The following KLHL7 variants were observed in gnomAD, a reference collection of about 807,000 sequenced individuals.
KLHL7 encodes the protein kelch-like protein 7.
A neutral mutation model predicts 67.4 loss-of-function variants in KLHL7; 44 were observed. The observed-to-expected ratio is 0.65, with a 90% confidence interval of 0.51 to 0.84. The LOEUF (loss-of-function observed/expected upper bound fraction) is 0.84, where lower values mean the gene tolerates loss of function less well. Ranked by LOEUF, KLHL7 falls within the 40% of genes least tolerant of loss-of-function variation. The pLI is 0.00. For synonymous variants in KLHL7, 252 were observed against 243.3 expected, an observed-to-expected ratio of 1.04 and a Z score of -0.33; for missense variants, 362 against 718.1, an observed-to-expected ratio of 0.50 and a Z score of 5.67.
At chr7:23,159,528 G>T (rs1162878562) in intron 7 of KLHL7, among the ~76,000 whole-genome samples, 4 of 151,600 alleles carry the variant, frequency 2.6e-5, no homozygotes, top group Admixed American at 2.6e-4. Flanking sequence ...AGTCAGTTAG[G>T]ATTTTCTCCT....
At chr7:23,131,106 A>G (rs1325833107) in intron 4 of KLHL7, among the ~76,000 whole-genome samples, 4 of 152,150 alleles carry the variant, frequency 2.6e-5, no homozygotes, top group African/African-American at 9.7e-5. Context: ...AATCCGAATC[A>G]TTTTAGATTT....
intron 1 of KLHL7, among the ~76,000 whole-genome samples, chr7:23,111,166 CAGGAAGTTTTCTCTA>C (rs1782854064): frequency 6.6e-6 from 1 of 152,078 alleles, no homozygotes; most frequent in African/African-American, 2.4e-5. Flanking sequence ...ATTTGACCAT[CAGGAAGTTTTCTCTA>C]AGGAAATGGT....
At chr7:23,142,933 T>C (rs548458244) in intron 5 of KLHL7, among the ~76,000 whole-genome samples, 1 of 152,208 alleles carries the variant, frequency 6.6e-6, no homozygotes, top group Non-Finnish European at 1.5e-5. Flanking sequence ...TCAATATTGG[T>C]TCATTAGTTA....
At chr7:23,158,654 A>C (rs1784774842) in intron 7 of KLHL7, among the ~76,000 whole-genome samples, 2 of 152,250 alleles carry the variant, frequency 1.3e-5, no homozygotes, top group Admixed American at 1.3e-4. Context: ...TGGTTCATAT[A>C]GGATTTTAAA....
At chr7:23,156,328 C>A (rs1419814070) in intron 7 of KLHL7, among the ~76,000 whole-genome samples, 1 of 152,144 alleles carries the variant, frequency 6.6e-6, no homozygotes, top group Admixed American at 6.5e-5. Flanking sequence ...TTCTTGTTAT[C>A]ATCCTTTTAT....
intron 1 of KLHL7, among the ~76,000 whole-genome samples, chr7:23,110,717 A>T (rs1782833362): frequency 6.7e-6 from 1 of 149,760 alleles, no homozygotes; most frequent in Non-Finnish European, 1.5e-5. Flanking sequence ...TGCACCCATT[A>T]ACTCGTCATT....
intron 4 of KLHL7, among the ~76,000 whole-genome samples, chr7:23,134,066 A>G (rs1445910146): frequency 6.6e-6 from 1 of 152,102 alleles, no homozygotes; most frequent in Non-Finnish European, 1.5e-5. Context: ...TCCCCATTGA[A>G]TATGATACTA....
Position 23,144,531 on chromosome 7 carries a change from G to A in KLHL7, c.793+506G>A, listed in dbSNP as rs144462275. Among the ~76,000 whole-genome samples the A allele has an allele frequency of 7.5e-3, 1,143 of 152,208 alleles. 18 individuals are homozygous for A. The highest frequency in any genetic ancestry group is 0.026 in the African/African-American group (1,064 of 41,526). ...TGTTGCTTTTCTTTCTTGGAAATAT[G>A]CCTTGTAGAACCTTTCTTCTGCCTA... is the stretch of plus-strand genomic sequence containing the variant. On this transcript the variant is annotated intron_variant, in intron 6 of 10. Transcript: ENST00000339077.
At chr7:23,161,813 A>G (rs966032354) in intron 7 of KLHL7, among the ~76,000 whole-genome samples, 3 of 152,204 alleles carry the variant, frequency 2.0e-5, no homozygotes. Flanking sequence ...CTAATGGATG[A>G]TATATACTTT....
At chr7:23,155,933 G>A (rs977220218) in intron 7 of KLHL7, 20 of 284,878 alleles carry the variant, frequency 7.0e-5, no homozygotes, top group Non-Finnish European at 1.4e-4. Flanking sequence ...ATGACTCTTA[G>A]CACTTTATTT....
chr7:23,163,571 A>G (rs556757816), intron 7 of KLHL7, among the ~76,000 whole-genome samples: 2 of 152,322 alleles, frequency 1.3e-5, no homozygotes. Context: ...TCAAGCCTGG[A>G]CTTCAAGTGG....
intron 1 of KLHL7, chr7:23,118,102 C>T: frequency 9.9e-7 from 1 of 1,010,480 alleles, no homozygotes; most frequent in South Asian, 1.5e-5. Context: ...TTACATGGAC[C>T]CAACTGCCTT....
At chr7:23,107,649 A>G (rs1215376132) in intron 1 of KLHL7, among the ~76,000 whole-genome samples, 1 of 152,228 alleles carries the variant, frequency 6.6e-6, no homozygotes, top group Non-Finnish European at 1.5e-5. Flanking sequence ...TCACTTATTT[A>G]CCGTTACAAT....
rs1406596090 is a variant in KLHL7 at position 23,177,674 on chromosome 7, T to C, written c.*3376T>C. 6.6e-6 allele frequency: 1 copy of C among 152,222 alleles called. No individual in the cohort carries two copies. The highest frequency in any genetic ancestry group is 1.5e-5 in the Non-Finnish European group (1 of 68,036). 9.4% of individuals were successfully genotyped at this position (152,222 alleles called of 1,614,324 possible). A position where few individuals can be genotyped will look rare whatever the true frequency, so the allele number is the denominator to read the frequency against. ...TTATATCCTTTGCAATGATATTATT[T>C]TGATGACAAAGTAAGTTTATGCTTT... On this transcript the variant is annotated 3_prime_UTR_variant, in exon 11 of 11. Transcript: ENST00000339077.
intron 5 of KLHL7, 140 bp from the exon 6 acceptor site, chr7:23,143,711 A>G: frequency 1.1e-6 from 1 of 870,780 alleles, no homozygotes. Context: ...AAGAACCAGC[A>G]AGTGTCCAGG....
chr7:23,130,759 G>A (rs1364455734), intron 4 of KLHL7, among the ~76,000 whole-genome samples: 2 of 151,846 alleles, frequency 1.3e-5, no homozygotes, highest in African/African-American at 4.8e-5. Context: ...GATCTGCCTC[G>A]ATAAATAACA....
intron 6 of KLHL7, 68 bp from the exon 7 acceptor site, chr7:23,151,999 G>A: frequency 6.9e-7 from 1 of 1,449,218 alleles, no homozygotes; most frequent in Non-Finnish European, 9.7e-7. Context: ...TTATGTCTGG[G>A]TATTTCGTTT....
chr7:23,121,195 C>A (rs1783321057), intron 1 of KLHL7, among the ~76,000 whole-genome samples: 1 of 152,170 alleles, frequency 6.6e-6, no homozygotes. Context: ...GAATATTATT[C>A]CATGGTGTAT....
chr7:23,119,127 C>T (rs1783222158), intron 1 of KLHL7, among the ~76,000 whole-genome samples: 1 of 152,032 alleles, frequency 6.6e-6, no homozygotes, highest in South Asian at 2.1e-4. Context: ...ATTCCCTCAC[C>T]TCCTTCTCTA....
Sources: allele counts gnomAD v4.1 joint callset (sites outside exome capture counted in the v4.1 genomes callset), GRCh38; gene constraint gnomAD v4.1.1; transcripts MANE v1.5; gene names NCBI Gene and HGNC (gene_info 2026-07-23, HGNC 2026-07-21).